The following FCGR3A variants were observed in gnomAD, a reference collection of about 807,000 sequenced individuals.
FCGR3A encodes the protein low affinity immunoglobulin gamma Fc region receptor III-A.
A neutral mutation model predicts 24.1 loss-of-function variants in FCGR3A; 13 were observed. The observed-to-expected ratio is 0.54, with a 90% CI of 0.35 to 0.86. The LOEUF (loss-of-function observed/expected upper bound fraction) is 0.86. Among genes scored for constraint, FCGR3A ranks in the 40% least tolerant of loss-of-function variants. FCGR3A has a pLI of 0.01. For synonymous variants in FCGR3A, 93 were observed against 112.2 expected (o/e 0.83, Z 1.08); for missense variants, 235 against 298.0 (o/e 0.79, Z 1.56).
At chr1:161,549,649 C>T (rs1677647388) in intron 1 of FCGR3A, 48 bp downstream of exon 1, 1 of 1,609,872 alleles carries the variant, frequency 6.2e-7, no homozygotes, top group African/African-American at 1.3e-5. Flanking sequence ...CTCTGCTGAA[C>T]CCAAGGCATC....
intron 2 of FCGR3A, 125 bp from the exon 3 acceptor site, chr1:161,548,803 A>G: frequency 1.3e-6 from 2 of 1,515,416 alleles, no homozygotes; most frequent in East Asian, 2.4e-5. Flanking sequence ...TCAGTCTTAG[A>G]GCATCTTGGC....
chr1:161,544,113 T>C (rs1677270410), intron 4 of FCGR3A, among the ~76,000 whole-genome samples: 1 of 152,162 alleles, frequency 6.6e-6, no homozygotes, highest in African/African-American at 2.4e-5. Context: ...GAAGGTCTAC[T>C]GTGATAGTCA....
At chr1:161,545,988 T>A (rs1677375993) in intron 3 of FCGR3A, among the ~76,000 whole-genome samples, 1 of 152,126 alleles carries the variant, frequency 6.6e-6, no homozygotes, top group African/African-American at 2.4e-5. Flanking sequence ...TCCTGTTTAC[T>A]TTTATATATT....
chr1:161,547,965 G>T (rs1216462457), intron 3 of FCGR3A, among the ~76,000 whole-genome samples: 1 of 152,304 alleles, frequency 6.6e-6, no homozygotes, highest in Middle Eastern at 3.2e-3. Flanking sequence ...AGCTACTCGG[G>T]AGGCTGAGGC....
upstream of FCGR3A, chr1:161,550,113 A>T: frequency 1.9e-6 from 1 of 540,394 alleles, no homozygotes; most frequent in Non-Finnish European, 3.2e-6. Flanking sequence ...TGGGACAGTG[A>T]GACCCTGGGG....
chr1:161,548,990 A>G, intron 2 of FCGR3A, 21 bp downstream of exon 2: 1 of 1,602,244 alleles, frequency 6.2e-7, no homozygotes, highest in Non-Finnish European at 8.5e-7. Flanking sequence ...GGGTCAATCC[A>G]AGACCATGAA....
chr1:161,546,762 G>C (rs1287400384), intron 3 of FCGR3A, among the ~76,000 whole-genome samples: 1 of 151,772 alleles, frequency 6.6e-6, no homozygotes, highest in Admixed American at 6.6e-5. Flanking sequence ...AAAATTAGCC[G>C]GGCGTGGTGG....
chr1:161,544,181 A>G (rs991534342), intron 4 of FCGR3A, among the ~76,000 whole-genome samples: 17 of 151,826 alleles, frequency 1.1e-4, no homozygotes, highest in African/African-American at 4.1e-4. Context: ...AAAGGTGCCC[A>G]ATAAATGTCA....
At chr1:161,545,661 G>A (rs1251226377) in intron 3 of FCGR3A, 1 of 151,806 alleles carries the variant, frequency 6.6e-6, no homozygotes, top group African/African-American at 2.4e-5. Flanking sequence ...GTAATTTACT[G>A]AGCATGGCCT....
At chr1:161,548,986 A>T in intron 2 of FCGR3A, 25 bp downstream of exon 2, 1 of 1,601,696 alleles carries the variant, frequency 6.2e-7, no homozygotes, top group Non-Finnish European at 8.5e-7. Context: ...CACTGGGTCA[A>T]TCCAAGACCA....
chr1:161,544,941 C>G lies in FCGR3A; in HGVS notation c.337G>C (p.Ala113Pro). 2 of 1,610,044 alleles carry G rather than the reference C, an allele frequency of 1.2e-6. No individual in the cohort carries two copies. Among genetic ancestry groups the G allele is most frequent in the Non-Finnish European group, 1.7e-6 (2 of 1,177,034 alleles). Residue 113 changes from alanine to proline, a missense_variant, in exon 4 of 5, where the codon GCC becomes CCC. Coordinates refer to ENST00000443193, the MANE Select transcript of FCGR3A (RefSeq NM_000569.8). ...TCCTCCTTGAACACCCACCGAGGGGCCTGGAGCAACAGCCAGCCTGAAAGA... is the reference window on the plus strand; with the variant it reads ...TCCTCCTTGAACACCCACCGAGGGGGCTGGAGCAACAGCCAGCCTGAAAGA... Reference protein sequence around the residue: ...EVHIGWLLLQAPRWVFKEEDP... With the variant: ...EVHIGWLLLQPPRWVFKEEDP...
At position 161,543,009 on chromosome 1, in the gene FCGR3A, G is replaced by T. The variant is rs772894301; in HGVS notation, c.*3C>A. ...TGCTCTTATTACCCCCATGGGATGG[G>T]GGTCATTTGTCTTGAGGGTCCTTTC... is the stretch of plus-strand genomic sequence containing the variant. On this transcript the variant is annotated 3_prime_UTR_variant, in exon 5 of 5. Transcript: ENST00000443193. 26 of 1,606,498 alleles carry T rather than the reference G, an allele frequency of 1.6e-5. No individual in the cohort carries two copies. The Admixed American group carries it at 4.4e-4, about 27-fold the overall frequency.
At chr1:161,545,205 G>T (rs998478543) in intron 3 of FCGR3A, among the ~76,000 whole-genome samples, 3 of 152,108 alleles carry the variant, frequency 2.0e-5, no homozygotes, top group African/African-American at 7.2e-5. Flanking sequence ...TAGAGCAGAG[G>T]GACTAAGCAA....
chr1:161,548,032 T>A (rs1677514843), intron 3 of FCGR3A, among the ~76,000 whole-genome samples: 1 of 152,266 alleles, frequency 6.6e-6, no homozygotes, highest in Non-Finnish European at 1.5e-5. Flanking sequence ...GATTGCCGCA[T>A]TGCACTCCAG....
chr1:161,546,068 A>G (rs188577855), intron 3 of FCGR3A, among the ~76,000 whole-genome samples: 2 of 152,228 alleles, frequency 1.3e-5, no homozygotes, highest in Admixed American at 1.3e-4. Flanking sequence ...TATTTTTTAA[A>G]TCTACATTCT....
At chr1:161,547,400 G>A (rs1251267644) in intron 3 of FCGR3A, among the ~76,000 whole-genome samples, 4 of 152,048 alleles carry the variant, frequency 2.6e-5, no homozygotes, top group Non-Finnish European at 4.4e-5. Context: ...TGGAACAGCC[G>A]TGGAAGTAGA....
At position 161,542,644 on chromosome 1, in the gene FCGR3A, T is replaced by G. The variant is rs906921085; in HGVS notation, c.*368A>C. ...TCCATTTATTTAGGAATAATTGTTT[T>G]TTTTTCCCCTCTAAACTGGGTAATT... is the stretch of plus-strand genomic sequence containing the variant. On this transcript the variant is annotated 3_prime_UTR_variant, in exon 5 of 5. Transcript: ENST00000443193. The G allele has an allele frequency of 5.9e-6, 1 of 168,674 alleles. No homozygotes were observed. The highest frequency in any genetic ancestry group is 2.4e-5 in the African/African-American group (1 of 41,752). 10.4% of individuals were successfully genotyped at this position (168,674 alleles called of 1,614,324 possible). A position where few individuals can be genotyped will look rare whatever the true frequency, so the allele number is the denominator to read the frequency against.
chr1:161,548,646 G>T lies in FCGR3A; in HGVS notation c.94C>A (p.Pro32Thr), dbSNP rs777018978. Residue 32 changes from proline (P) to threonine (T), a missense_variant, in exon 3 of 5, where the codon CCT becomes ACT. Pro to Thr is a conservative substitution (Grantham distance 38). Coordinates refer to ENST00000443193, the MANE Select transcript of FCGR3A (RefSeq NM_000569.8). Reference sequence around the variant, plus strand: ...TTCTCGAGCACCCTGTACCATTGAGGCTCCAGGAACACCACAGCCTTTGGG... The same window carrying T: ...TTCTCGAGCACCCTGTACCATTGAGTCTCCAGGAACACCACAGCCTTTGGG... ...DLPKAVVFLEPQWYRVLEKDS... is the reference protein window; with the variant it reads ...DLPKAVVFLETQWYRVLEKDS... 2 of 1,613,916 alleles carry T rather than the reference G, an allele frequency of 1.2e-6. No homozygotes were observed. The highest frequency in any genetic ancestry group is 2.2e-5 in the East Asian group (1 of 44,890).
Position 161,548,429 on chromosome 1 carries a change from A to G in FCGR3A, c.311T>C (p.Val104Ala). The G allele has an allele frequency of 1.9e-6, 3 of 1,613,992 alleles. No homozygotes were observed. Residue 104 changes from valine to alanine, a missense_variant, in exon 3 of 5, where the codon GTC (valine) becomes GCC (alanine). Physicochemically the swap from Val to Ala is moderately conservative, Grantham distance 64. Coordinates refer to ENST00000443193, the MANE Select transcript of FCGR3A (RefSeq NM_000569.8). Reference protein sequence around the residue: ...STLSDPVQLEVHIGWLLLQAP... With the variant: ...STLSDPVQLEAHIGWLLLQAP... ...CCCCTTCATCAACTCACCGATATGG[A>G]CTTCTAGCTGCACCGGGTCACTGAG...
Sources: allele counts gnomAD v4.1 joint callset (sites outside exome capture counted in the v4.1 genomes callset), GRCh38; gene constraint gnomAD v4.1.1; transcripts MANE v1.5; gene names NCBI Gene and HGNC (gene_info 2026-07-23, HGNC 2026-07-21).